Variants in FHIT observed in about 807,000 individuals in gnomAD.
FHIT encodes the protein bis(5'-adenosyl)-triphosphatase.
In FHIT, 19 loss-of-function variants were observed where a neutral mutation model predicts 17.9. The ratio of observed to expected loss-of-function variants is 1.06; its 90% CI spans 0.74 to 1.56. The LOEUF (loss-of-function observed/expected upper bound fraction) is 1.56. Ranked by LOEUF, FHIT falls within the 40% of genes most tolerant of loss-of-function variation. FHIT has a pLI of 0.00. For missense variants in FHIT, 248 were observed against 189.2 expected (o/e 1.31, Z -1.82); for synonymous variants, 81 against 69.7 (o/e 1.16, Z -0.81).
rs116674064 is a variant in FHIT, at chr3:60,735,766, C to T, written c.-18+86153G>A. On this transcript the variant is annotated intron_variant, in intron 4 of 9. Transcript: ENST00000492590. ...CCAAAATCTTCTTACTTTCATTAAG[C>T]CACAGTTAGAGCTAGGTTTCTGTCA... 5.9e-3 allele frequency among the ~76,000 whole-genome samples: 892 copies of T among 152,290 alleles called. 4 individuals are homozygous for T. The highest frequency in any genetic ancestry group is 9.9e-3 in the Non-Finnish European group (671 of 68,022).
intron 4 of FHIT, among the ~76,000 whole-genome samples, chr3:60,703,630 T>G (rs1231908434): frequency 1.3e-5 from 2 of 152,158 alleles, no homozygotes; most frequent in Non-Finnish European, 2.9e-5. Context: ...GTTATTTATC[T>G]CAAGTTTTGA....
intron 5 of FHIT, among the ~76,000 whole-genome samples, chr3:60,038,422 T>G (rs1701309345): frequency 6.6e-6 from 1 of 152,128 alleles, no homozygotes; most frequent in Non-Finnish European, 1.5e-5. Context: ...CAAGTCTAAA[T>G]ATTCTCTGAA....
At chr3:61,179,765 T>C (rs1387264517) in intron 2 of FHIT, among the ~76,000 whole-genome samples, 1 of 110,102 alleles carries the variant, frequency 9.1e-6, no homozygotes, top group Non-Finnish European at 2.0e-5. Context: ...TTCAAAAACA[T>C]GGTAAAACCA....
chr3:60,377,363 T>G (rs1700607282), intron 5 of FHIT, among the ~76,000 whole-genome samples: 1 of 151,720 alleles, frequency 6.6e-6, no homozygotes, highest in Non-Finnish European at 1.5e-5. Flanking sequence ...TTCACCATAT[T>G]GGCCAGGATG....
intron 4 of FHIT, among the ~76,000 whole-genome samples, chr3:60,745,630 G>T (rs73836104): frequency 0.019 from 2,893 of 152,204 alleles, 100 homozygotes; most frequent in African/African-American, 0.065. Flanking sequence ...AGACCTCCTA[G>T]GTCACAGGTG....
chr3:61,093,055 C>T (rs751216819), intron 2 of FHIT, among the ~76,000 whole-genome samples: 17 of 152,148 alleles, frequency 1.1e-4, no homozygotes, highest in East Asian at 1.9e-4. Flanking sequence ...GTGTGGTCCA[C>T]CCTTAGCAGC....
intron 5 of FHIT, among the ~76,000 whole-genome samples, chr3:60,468,862 G>C (rs1291124024): frequency 6.6e-6 from 1 of 152,106 alleles, no homozygotes; most frequent in Non-Finnish European, 1.5e-5. Context: ...TTGCAGGATA[G>C]TTCTGGTGTT....
At chr3:61,170,342 GAAGTT>G (rs1434822427) in intron 2 of FHIT, among the ~76,000 whole-genome samples, 1 of 152,096 alleles carries the variant, frequency 6.6e-6, no homozygotes, top group Non-Finnish European at 1.5e-5. Flanking sequence ...AATAAAATGA[GAAGTT>G]AAAGTTATTT....
intron 7 of FHIT, among the ~76,000 whole-genome samples, chr3:59,960,004 G>C (rs963302288): frequency 4.6e-5 from 7 of 152,130 alleles, no homozygotes; most frequent in African/African-American, 9.7e-5. Flanking sequence ...AGAGCACATC[G>C]AGCAGGTCAA....
intron 8 of FHIT, among the ~76,000 whole-genome samples, chr3:59,913,770 T>A (rs7622441): frequency 0.16 from 24,501 of 152,116 alleles, 2,910 homozygotes; most frequent in East Asian, 0.42. Flanking sequence ...ATTTTAAATA[T>A]GGGAAACATA....
At chr3:60,174,259 T>A (rs974775193) in intron 5 of FHIT, among the ~76,000 whole-genome samples, 10 of 151,598 alleles carry the variant, frequency 6.6e-5, no homozygotes, top group Non-Finnish European at 1.5e-4. Flanking sequence ...GAAAAAAAAA[T>A]CTTATGGCTA....
At chr3:60,859,163 A>G (rs142830493) in intron 3 of FHIT, among the ~76,000 whole-genome samples, 4 of 152,152 alleles carry the variant, frequency 2.6e-5, no homozygotes, top group Admixed American at 6.6e-5. Flanking sequence ...TCCTATCCCA[A>G]TAGGAGTATC....
At chr3:61,192,429 C>T (rs956089271) in intron 2 of FHIT, among the ~76,000 whole-genome samples, 14 of 152,140 alleles carry the variant, frequency 9.2e-5, no homozygotes, top group Non-Finnish European at 1.3e-4. Context: ...CTGGTGGGTC[C>T]CCAGTTGCTT....
chr3:61,157,458 A>G (rs1267109238), intron 2 of FHIT, among the ~76,000 whole-genome samples: 7 of 152,164 alleles, frequency 4.6e-5, no homozygotes, highest in Non-Finnish European at 1.0e-4. Flanking sequence ...CTGGTAGTCA[A>G]AGTTAAGTGG....
At chr3:60,536,811 G>A in intron 5 of FHIT, 49 bp downstream of exon 5, 2 of 1,551,148 alleles carry the variant, frequency 1.3e-6, no homozygotes, top group Non-Finnish European at 1.7e-6. Context: ...GGCTGGTTAG[G>A]CTCAGAAGAC....
At chr3:60,285,646 G>A (rs1336350476) in intron 5 of FHIT, among the ~76,000 whole-genome samples, 1 of 152,124 alleles carries the variant, frequency 6.6e-6, no homozygotes. Flanking sequence ...ATCATCTTGG[G>A]TGGGCCTAAC....
At chr3:60,177,266 TAAAA>T (rs746547888) in intron 5 of FHIT, among the ~76,000 whole-genome samples, 1 of 131,882 alleles carries the variant, frequency 7.6e-6, no homozygotes, top group East Asian at 2.2e-4. Flanking sequence ...AAGCCAAGGT[TAAAA>T]AAAAAAAAAA....
intron 5 of FHIT, among the ~76,000 whole-genome samples, chr3:60,142,607 T>A (rs115055673): frequency 0.014 from 2,114 of 152,052 alleles, 48 homozygotes; most frequent in African/African-American, 0.047. Context: ...CACAGAGTGA[T>A]CCTCCTGCCT....
At chr3:60,233,188 C>T (rs1232322045) in intron 5 of FHIT, among the ~76,000 whole-genome samples, 2 of 152,132 alleles carry the variant, frequency 1.3e-5, no homozygotes, top group African/African-American at 4.8e-5. Flanking sequence ...TATTAAATCC[C>T]CAATGACTCC....
Sources: allele counts gnomAD v4.1 joint callset (sites outside exome capture counted in the v4.1 genomes callset), GRCh38; gene constraint gnomAD v4.1.1; transcripts MANE v1.5; gene names NCBI Gene and HGNC (gene_info 2026-07-23, HGNC 2026-07-21).